The following BTD variants were observed in gnomAD, a reference collection of about 807,000 sequenced individuals.
BTD encodes the protein biocytinase.
In BTD, 13 loss-of-function variants were observed where a neutral mutation model predicts 17.7. The observed-to-expected ratio is 0.74, with a 90% confidence interval of 0.48 to 1.17. BTD has a LOEUF of 1.17. Ranked by LOEUF, BTD falls within the 50% of genes most tolerant of loss-of-function variation. The pLI is 0.00. For synonymous variants in BTD, 240 were observed against 245.2 expected, an observed-to-expected ratio of 0.98 and a Z score of 0.20; for missense variants, 674 against 650.4, an observed-to-expected ratio of 1.04 and a Z score of -0.39.
chr3:15,694,575 T>A (rs2125873690), intron 3 of BTD, among the ~76,000 whole-genome samples: 1 of 151,698 alleles, frequency 6.6e-6, no homozygotes, highest in East Asian at 1.9e-4. Context: ...ACCCAGCACA[T>A]TAAGTAATTC....
At chr3:15,697,317 T>C (rs569199445) in intron 3 of BTD, 1 of 152,924 alleles carries the variant, frequency 6.5e-6, no homozygotes, top group African/African-American at 2.4e-5. Context: ...TATGTAGTCT[T>C]TTATCCATCA....
At chr3:15,722,272 T>C (rs1575388879) in exon 5 of BTD, among the ~76,000 whole-genome samples, 2 of 152,288 alleles carry the variant, frequency 1.3e-5, no homozygotes, top group Admixed American at 1.3e-4. Context: ...AATCAAGCCA[T>C]ATAATGGAGC....
chr3:15,637,308 G>A (rs545876994), intron 2 of BTD, among the ~76,000 whole-genome samples: 2 of 151,980 alleles, frequency 1.3e-5, no homozygotes, highest in Non-Finnish European at 2.9e-5. Flanking sequence ...CTCACCTGTC[G>A]CATTCTAGAT....
intron 3 of BTD, chr3:15,686,283 G>A (rs746294289): frequency 1.4e-5 from 22 of 1,587,074 alleles, no homozygotes; most frequent in Non-Finnish European, 1.9e-5. Flanking sequence ...ATTAATAGCC[G>A]TAAGCATTCT....
At chr3:15,710,743 T>C (rs113469280) in exon 4 of BTD, among the ~76,000 whole-genome samples, 12 of 152,140 alleles carry the variant, frequency 7.9e-5, no homozygotes, top group African/African-American at 2.9e-4. Context: ...CTGGTGGTAC[T>C]ATTTAAAACT....
chr3:15,601,619 G>A (rs758937936), upstream of BTD: 93 of 1,560,790 alleles, frequency 6.0e-5, no homozygotes, highest in Non-Finnish European at 7.0e-5. Flanking sequence ...AGGAAGAGGC[G>A]GTCTAAATTC....
chr3:15,661,586 C>A (rs905172996), intron 3 of BTD, among the ~76,000 whole-genome samples: 1 of 152,132 alleles, frequency 6.6e-6, no homozygotes, highest in South Asian at 2.1e-4. Flanking sequence ...TTTTTCCTCC[C>A]AGTCTATGGC....
At chr3:15,691,424 C>A (rs768018572) in intron 3 of BTD, among the ~76,000 whole-genome samples, 47 of 152,130 alleles carry the variant, frequency 3.1e-4, no homozygotes, top group Non-Finnish European at 4.3e-4. Context: ...CGCCCGGCCC[C>A]GAGTTGCCTT....
chr3:15,708,374 GA>G (rs1212590162), intron 3 of BTD, among the ~76,000 whole-genome samples: 2 of 152,042 alleles, frequency 1.3e-5, no homozygotes, highest in Non-Finnish European at 2.9e-5. Flanking sequence ...TCAGAAATGT[GA>G]AAACTTTCAT....
chr3:15,655,248 T>C (rs548271594), downstream of BTD, among the ~76,000 whole-genome samples: 2 of 152,326 alleles, frequency 1.3e-5, no homozygotes, highest in South Asian at 4.1e-4. Flanking sequence ...TATTAGGGGT[T>C]GAAGCATGCT....
In BTD at chr3:15,645,625, G is replaced by A. The variant is rs2065677142; in HGVS notation, c.*137G>A. On this transcript the variant is annotated 3_prime_UTR_variant, in exon 4 of 4. Transcript: ENST00000643237. ...TCTGTGGCACCAGATTCCACCCTGG[G>A]AACTGTGGAAAAAGTAGGAGAGGCA... 1 of 980,080 alleles carries A rather than the reference G, an allele frequency of 1.0e-6. No individual in the cohort carries two copies. Among genetic ancestry groups the A allele is most frequent in the African/African-American group, 1.6e-5 (1 of 60,888 alleles). The allele number at this position is 980,080 out of a possible 1,614,324, so 60.7% of individuals were successfully genotyped here.
rs745604600 is a variant in BTD, at chr3:15,649,275, A to G, written c.*3787A>G. Among the ~76,000 whole-genome samples the G allele has an allele frequency of 2.0e-5, 3 of 152,208 alleles. No homozygotes were observed. Among genetic ancestry groups the G allele is most frequent in the Non-Finnish European group, 4.4e-5 (3 of 68,036 alleles). ...GTGGCCCCTGGCTTCCCCTGAAGCA[A>G]ATGATCCAAGAGAGCACAGGTGGAG... is the stretch of plus-strand genomic sequence containing the variant. On this transcript the variant is annotated 3_prime_UTR_variant, in exon 4 of 4. Coordinates refer to ENST00000643237, the MANE Select transcript of BTD (RefSeq NM_001370658.1).
At chr3:15,681,948 A>G (rs2067590159) in intron 3 of BTD, among the ~76,000 whole-genome samples, 1 of 152,142 alleles carries the variant, frequency 6.6e-6, no homozygotes, top group African/African-American at 2.4e-5. Flanking sequence ...AACTCCTTTA[A>G]TGCCATCGTT....
At chr3:15,715,534 T>C (rs2126108288), downstream of BTD, among the ~76,000 whole-genome samples, 1 of 152,312 alleles carries the variant, frequency 6.6e-6, no homozygotes, top group Non-Finnish European at 1.5e-5. Flanking sequence ...AATTGACAAG[T>C]AATTTTACAG....
chr3:15,622,029 T>C (rs1469525360), intron 1 of BTD, among the ~76,000 whole-genome samples: 3 of 152,346 alleles, frequency 2.0e-5, no homozygotes, highest in East Asian at 3.9e-4. Flanking sequence ...CTCATGTCAG[T>C]AATATGTGTC....
chr3:15,714,212 T>C (rs1016784186), downstream of BTD, among the ~76,000 whole-genome samples: 2 of 152,106 alleles, frequency 1.3e-5, no homozygotes, highest in Non-Finnish European at 2.9e-5. Context: ...TGAAAATAGT[T>C]GCAGATACTC....
intron 3 of BTD, chr3:15,670,380 T>C: frequency 1.2e-6 from 2 of 1,613,924 alleles, no homozygotes; most frequent in Non-Finnish European, 1.7e-6. Flanking sequence ...TCATTCCTCA[T>C]GATGGGCAAA....
intron 3 of BTD, among the ~76,000 whole-genome samples, chr3:15,670,982 T>C (rs1204897992): frequency 6.6e-6 from 1 of 152,250 alleles, no homozygotes; most frequent in Non-Finnish European, 1.5e-5. Flanking sequence ...TTTGTAGTTA[T>C]GTAAGGAAAC....
chr3:15,657,908 C>CT (rs1342942262), downstream of BTD, among the ~76,000 whole-genome samples: 2 of 152,006 alleles, frequency 1.3e-5, no homozygotes, highest in African/African-American at 4.8e-5. Flanking sequence ...TGGCTCACCC[C>CT]TGTAATCCCA....
Sources: gnomAD v4.1 joint callset for allele counts (sites outside exome capture counted in the v4.1 genomes callset) on GRCh38, gnomAD v4.1.1 for gene constraint, MANE v1.5 for transcripts, NCBI Gene and HGNC (gene_info 2026-07-23, HGNC 2026-07-21) for gene names.